The following WDFY2 variants were observed in gnomAD, a reference collection of about 807,000 sequenced individuals.
WDFY2 encodes WD repeat and FYVE domain-containing protein 2.
A neutral mutation model predicts 56.4 loss-of-function variants in WDFY2; 36 were observed. The observed-to-expected ratio is 0.64, with a 90% CI of 0.49 to 0.84. WDFY2 has a LOEUF of 0.84. Among genes scored for constraint, WDFY2 ranks in the 40% least tolerant of loss-of-function variants. The pLI is 0.00. For missense variants in WDFY2, 444 were observed against 512.2 expected (o/e 0.87, Z 1.29); for synonymous variants, 176 against 183.7 (o/e 0.96, Z 0.34).
At chr13:51,679,587 G>T (rs2138513262) in intron 3 of WDFY2, among the ~76,000 whole-genome samples, 1 of 152,140 alleles carries the variant, frequency 6.6e-6, no homozygotes, top group African/African-American at 2.4e-5. Flanking sequence ...TTGTTGTTTT[G>T]GTAGTTCTTG....
intron 2 of WDFY2, among the ~76,000 whole-genome samples, chr13:51,665,296 C>G (rs1431473209): frequency 6.6e-6 from 1 of 152,178 alleles, no homozygotes; most frequent in African/African-American, 2.4e-5. Flanking sequence ...TGCACATTGC[C>G]TGTGACAGTA....
intron 3 of WDFY2, among the ~76,000 whole-genome samples, chr13:51,688,436 G>A: frequency 6.6e-6 from 1 of 152,076 alleles, no homozygotes. Context: ...TGAGGTTTGT[G>A]TGAGTCAAAA....
chr13:51,710,673 G>A (rs912297988), intron 4 of WDFY2, among the ~76,000 whole-genome samples: 1 of 152,112 alleles, frequency 6.6e-6, no homozygotes, highest in African/African-American at 2.4e-5. Context: ...AATCATAAGT[G>A]AACTCCCATT....
chr13:51,723,773 C>T (rs899613822), intron 5 of WDFY2, among the ~76,000 whole-genome samples: 1 of 152,142 alleles, frequency 6.6e-6, no homozygotes, highest in African/African-American at 2.4e-5. Context: ...ATCCCTGCAG[C>T]GCCGTCCTCC....
At chr13:51,621,022 A>G (rs943885814) in intron 1 of WDFY2, among the ~76,000 whole-genome samples, 1 of 152,120 alleles carries the variant, frequency 6.6e-6, no homozygotes, top group African/African-American at 2.4e-5. Flanking sequence ...TGTTGTTTTT[A>G]ATATGTTTAT....
At chr13:51,742,576 GTCT>G (rs1791788992) in intron 7 of WDFY2, among the ~76,000 whole-genome samples, 1 of 152,152 alleles carries the variant, frequency 6.6e-6, no homozygotes. Flanking sequence ...ACGGTACTTG[GTCT>G]TTTTAGAACC....
intron 4 of WDFY2, among the ~76,000 whole-genome samples, chr13:51,705,205 C>G (rs996219276): frequency 3.3e-5 from 5 of 152,142 alleles, no homozygotes; most frequent in African/African-American, 1.2e-4. Flanking sequence ...CCAGCCAGTA[C>G]TATGTAAGAG....
At chr13:51,745,760 A>C (rs1445829044) in intron 7 of WDFY2, among the ~76,000 whole-genome samples, 5 of 149,340 alleles carry the variant, frequency 3.3e-5, no homozygotes, top group Non-Finnish European at 5.9e-5. Context: ...AAAAAAAAAA[A>C]AAAAACCAGG....
At chr13:51,666,827 A>T (rs1473087337) in intron 2 of WDFY2, among the ~76,000 whole-genome samples, 1 of 152,186 alleles carries the variant, frequency 6.6e-6, no homozygotes, top group Non-Finnish European at 1.5e-5. Context: ...ATGGTAGGTA[A>T]TACATTAAAT....
At chr13:51,619,419 C>A (rs1379499224) in intron 1 of WDFY2, among the ~76,000 whole-genome samples, 1 of 148,852 alleles carries the variant, frequency 6.7e-6, no homozygotes, top group Non-Finnish European at 1.5e-5. Context: ...GGCAACAGAG[C>A]CAGACACTAT....
intron 1 of WDFY2, among the ~76,000 whole-genome samples, chr13:51,658,905 ATTAT>A (rs909608669): frequency 4.0e-5 from 6 of 151,722 alleles, no homozygotes; most frequent in Non-Finnish European, 8.8e-5. Context: ...TTTCCTACTA[ATTAT>A]TTATTTATTT....
intron 4 of WDFY2, among the ~76,000 whole-genome samples, chr13:51,710,975 T>C (rs370434610): frequency 2.0e-5 from 3 of 152,106 alleles, no homozygotes; most frequent in African/African-American, 7.2e-5. Flanking sequence ...GAGCCCGCAT[T>C]GCCAAGACAA....
chr13:51,745,750 A>C (rs959309250), intron 7 of WDFY2, among the ~76,000 whole-genome samples: 3 of 148,508 alleles, frequency 2.0e-5, no homozygotes, highest in African/African-American at 5.0e-5. Flanking sequence ...AAAAAAAAAA[A>C]AAAAAAAAAA....
chr13:51,647,778 A>C (rs930951321), intron 1 of WDFY2, among the ~76,000 whole-genome samples: 6 of 151,840 alleles, frequency 4.0e-5, no homozygotes, highest in East Asian at 3.9e-4. Flanking sequence ...AAAAAAAAAA[A>C]AAAAAAAAAC....
At chr13:51,614,510 C>G (rs1253263142) in intron 1 of WDFY2, among the ~76,000 whole-genome samples, 1 of 152,194 alleles carries the variant, frequency 6.6e-6, no homozygotes, top group African/African-American at 2.4e-5. Context: ...TGCTGCCTTT[C>G]CATTCAGCCA....
At chr13:51,750,435 T>C (rs1953204422) in intron 7 of WDFY2, among the ~76,000 whole-genome samples, 1 of 148,456 alleles carries the variant, frequency 6.7e-6, no homozygotes, top group Admixed American at 6.8e-5. Flanking sequence ...CAAGAATAAA[T>C]AGAAACACAA....
chr13:51,758,064 A>G, intron 10 of WDFY2, 128 bp from the exon 11 acceptor site: 1 of 478,112 alleles, frequency 2.1e-6, no homozygotes, highest in East Asian at 3.1e-5. Context: ...GGCAGATCTG[A>G]GGAGCATTCC....
chr13:51,748,563 TAAC>T (rs1278364430), intron 7 of WDFY2, among the ~76,000 whole-genome samples: 3 of 152,154 alleles, frequency 2.0e-5, no homozygotes, highest in African/African-American at 7.2e-5. Flanking sequence ...ACATAGATGA[TAAC>T]ACAATTTTAA....
chr13:51,601,150 C>T (rs138201589), intron 1 of WDFY2, among the ~76,000 whole-genome samples: 96 of 152,188 alleles, frequency 6.3e-4, no homozygotes, highest in African/African-American at 2.3e-3. Flanking sequence ...ATTTTTTCTT[C>T]TGATGGATGA....
Sources: gnomAD v4.1 joint callset for allele counts (sites outside exome capture counted in the v4.1 genomes callset) on GRCh38, gnomAD v4.1.1 for gene constraint, MANE v1.5 for transcripts, NCBI Gene and HGNC (gene_info 2026-07-23, HGNC 2026-07-21) for gene names.